Variants in TMEM117 observed in about 807,000 individuals in gnomAD.
The protein encoded by TMEM117 is transmembrane protein 117.
TMEM117 carries 27 observed loss-of-function variants against 52.4 expected under a neutral mutation model. That is an observed-to-expected ratio of 0.51 (90% CI 0.38 to 0.71). The LOEUF (loss-of-function observed/expected upper bound fraction) is 0.71, where lower values mean the gene tolerates loss of function less well. Among genes scored for constraint, TMEM117 ranks in the 30% least tolerant of loss-of-function variants. The pLI is 0.00. For synonymous variants in TMEM117, 215 were observed against 206.3 expected (o/e 1.04, Z -0.36); for missense variants, 556 against 630.5 (o/e 0.88, Z 1.26).
chr12:44,231,348 G>A (rs113965699), intron 5 of TMEM117, among the ~76,000 whole-genome samples: 2 of 150,932 alleles, frequency 1.3e-5, no homozygotes, highest in African/African-American at 4.9e-5. Context: ...GTATTACATT[G>A]TATGAACATA....
At chr12:44,189,695 G>A (rs1033837194) in intron 4 of TMEM117, among the ~76,000 whole-genome samples, 1 of 152,198 alleles carries the variant, frequency 6.6e-6, no homozygotes, top group Non-Finnish European at 1.5e-5. Context: ...AACAGGCAAA[G>A]TGAAGCAAGC....
intron 3 of TMEM117, among the ~76,000 whole-genome samples, chr12:44,142,558 T>C (rs1948585660): frequency 6.6e-6 from 1 of 152,170 alleles, no homozygotes; most frequent in East Asian, 1.9e-4. Flanking sequence ...TAATGAACAA[T>C]CATTATCTAT....
At chr12:44,100,193 A>G (rs1309212895) in intron 3 of TMEM117, among the ~76,000 whole-genome samples, 1 of 151,988 alleles carries the variant, frequency 6.6e-6, no homozygotes, top group African/African-American at 2.4e-5. Context: ...AACTGAAAAC[A>G]CGGGTTATTT....
intron 5 of TMEM117, among the ~76,000 whole-genome samples, chr12:44,253,104 T>C (rs1215465196): frequency 1.3e-5 from 2 of 152,238 alleles, no homozygotes; most frequent in Non-Finnish European, 2.9e-5. Context: ...TAAAATGATA[T>C]GTTTCTAACA....
intron 6 of TMEM117, among the ~76,000 whole-genome samples, chr12:44,325,535 C>A (rs557546760): frequency 2.8e-4 from 41 of 146,420 alleles, no homozygotes; most frequent in African/African-American, 1.0e-3. Flanking sequence ...TATATTTATT[C>A]TTTTTGTGAA....
chr12:44,134,892 A>G (rs756112997), intron 3 of TMEM117, among the ~76,000 whole-genome samples: 13 of 152,134 alleles, frequency 8.5e-5, no homozygotes, highest in Non-Finnish European at 1.6e-4. Flanking sequence ...AGCAACATGG[A>G]TGTCCCATGG....
the TMEM117 span, among the ~76,000 whole-genome samples, chr12:43,810,057 C>T: frequency 1.3e-5 from 2 of 152,062 alleles, no homozygotes; most frequent in African/African-American, 4.8e-5. Context: ...TACGTACTTT[C>T]CAATGAAAGA....
At chr12:44,138,388 A>G (rs1488590267) in intron 3 of TMEM117, among the ~76,000 whole-genome samples, 5 of 152,162 alleles carry the variant, frequency 3.3e-5, no homozygotes, top group East Asian at 1.9e-4. Flanking sequence ...AGTAAAGGAA[A>G]GGGAGAAATT....
chr12:43,886,829 A>G (rs993150067), intron 2 of TMEM117, among the ~76,000 whole-genome samples: 3 of 151,974 alleles, frequency 2.0e-5, no homozygotes, highest in South Asian at 4.2e-4. Flanking sequence ...GTTCCGCTCT[A>G]TGTGTCCGTG....
chr12:43,954,606 G>A (rs1328032314), intron 3 of TMEM117, among the ~76,000 whole-genome samples: 12 of 152,104 alleles, frequency 7.9e-5, no homozygotes, highest in African/African-American at 2.9e-4. Context: ...AGAAGAAGTT[G>A]AATCCCTGAA....
At chr12:44,394,685 A>G (rs939420902), downstream of TMEM117, among the ~76,000 whole-genome samples, 6 of 152,148 alleles carry the variant, frequency 3.9e-5, no homozygotes, top group Non-Finnish European at 8.8e-5. Context: ...GGACACTCTC[A>G]TCTTGCCAGT....
At chr12:44,006,490 A>G (rs1318984627) in intron 3 of TMEM117, among the ~76,000 whole-genome samples, 1 of 152,174 alleles carries the variant, frequency 6.6e-6, no homozygotes, top group Non-Finnish European at 1.5e-5. Context: ...TTGGTTTTTC[A>G]TGCAGATTGA....
chr12:44,142,140 A>T (rs1239234154), intron 3 of TMEM117, among the ~76,000 whole-genome samples: 1 of 152,182 alleles, frequency 6.6e-6, no homozygotes, highest in Non-Finnish European at 1.5e-5. Flanking sequence ...TCATATTGTG[A>T]ATTAGGAATA....
chr12:44,039,047 CT>C (rs1347269553), intron 3 of TMEM117, among the ~76,000 whole-genome samples: 9 of 152,230 alleles, frequency 5.9e-5, no homozygotes, highest in African/African-American at 2.2e-4. Flanking sequence ...TTCAGTGTTT[CT>C]TTTGATAAAC....
intron 6 of TMEM117, among the ~76,000 whole-genome samples, chr12:44,322,643 A>G (rs776364822): frequency 2.0e-5 from 3 of 152,278 alleles, no homozygotes; most frequent in Middle Eastern, 3.4e-3. Flanking sequence ...ACTATGCTAT[A>G]AAAAGGAACT....
At chr12:44,166,029 T>C (rs1249366765) in intron 4 of TMEM117, among the ~76,000 whole-genome samples, 1 of 152,190 alleles carries the variant, frequency 6.6e-6, no homozygotes, top group Non-Finnish European at 1.5e-5. Context: ...AACTATCTTC[T>C]TGGCTTGCAA....
At chr12:44,311,293 C>T (rs1050211060) in intron 6 of TMEM117, among the ~76,000 whole-genome samples, 2 of 151,734 alleles carry the variant, frequency 1.3e-5, no homozygotes, top group African/African-American at 4.8e-5. Flanking sequence ...TTTGGCAAGT[C>T]GAATAAGGTC....
chr12:44,388,844 T>C lies in TMEM117; in HGVS notation c.*172T>C. 1.4e-6 allele frequency: 1 copy of C among 727,040 alleles called. No individual in the cohort carries two copies. Among genetic ancestry groups the C allele is most frequent in the Non-Finnish European group, 2.2e-6 (1 of 453,960 alleles). 45.0% of individuals were successfully genotyped at this position (727,040 alleles called of 1,614,324 possible). On this transcript the variant is annotated 3_prime_UTR_variant, in exon 8 of 8. Transcript: ENST00000266534. ...AGGATTCATTGTTTTCTATTTGTAT[T>C]ATAATACACGTGCCTACTGTATACT...
At chr12:43,825,807 T>A in the TMEM117 span, among the ~76,000 whole-genome samples, 1 of 152,188 alleles carries the variant, frequency 6.6e-6, no homozygotes, top group Non-Finnish European at 1.5e-5. Flanking sequence ...GGAATTTGTT[T>A]GTTAACACCC....
Sources: allele counts gnomAD v4.1 joint callset (sites outside exome capture counted in the v4.1 genomes callset), GRCh38; gene constraint gnomAD v4.1.1; transcripts MANE v1.5; gene names NCBI Gene and HGNC (gene_info 2026-07-23, HGNC 2026-07-21).